The following GRM7 variants were observed in gnomAD, a reference collection of about 807,000 sequenced individuals.
GRM7 encodes the protein glutamate metabotropic receptor 7.
Under a neutral mutation model 84.5 loss-of-function variants are expected in GRM7, and 35 were observed. That is an observed-to-expected ratio of 0.41 (90% CI 0.32 to 0.55). GRM7 has a LOEUF of 0.55. GRM7 is among the 20% of genes least tolerant of loss of function. GRM7 has a pLI of 0.19. For missense variants in GRM7, 1,003 were observed against 1,194.6 expected, an observed-to-expected ratio of 0.84 and a Z score of 2.36; for synonymous variants, 487 against 455.1, an observed-to-expected ratio of 1.07 and a Z score of -0.89.
At chr3:7,398,868 G>A (rs73810607) in intron 4 of GRM7, among the ~76,000 whole-genome samples, 4,198 of 152,102 alleles carry the variant, frequency 0.028, 196 homozygotes, top group African/African-American at 0.095. Context: ...GAGATTCTAT[G>A]ATTCTGTACC....
intron 1 of GRM7, among the ~76,000 whole-genome samples, chr3:6,881,579 A>G (rs1229764048): frequency 6.9e-6 from 1 of 145,794 alleles, no homozygotes; most frequent in African/African-American, 2.5e-5. Flanking sequence ...TCTACAAGGA[A>G]CTCAAACAAA....
chr3:7,728,196 G>T (rs773669468), intron 9 of GRM7, among the ~76,000 whole-genome samples: 6 of 152,154 alleles, frequency 3.9e-5, no homozygotes, highest in Non-Finnish European at 7.4e-5. Context: ...AGAGGACATT[G>T]TTCCCAGACC....
intron 4 of GRM7, among the ~76,000 whole-genome samples, chr3:7,316,549 G>C (rs895765446): frequency 3.9e-5 from 6 of 152,086 alleles, no homozygotes; most frequent in African/African-American, 7.2e-5. Context: ...AAAGTCAATA[G>C]GGATTTAGAA....
intron 2 of GRM7, among the ~76,000 whole-genome samples, chr3:7,219,429 T>G (rs551869165): frequency 1.4e-4 from 22 of 152,184 alleles, no homozygotes; most frequent in Non-Finnish European, 2.1e-4. Flanking sequence ...ATTACTACAG[T>G]GAATAGCCTT....
chr3:7,092,088 A>C (rs1383855511), intron 1 of GRM7, among the ~76,000 whole-genome samples: 1 of 152,086 alleles, frequency 6.6e-6, no homozygotes, highest in Non-Finnish European at 1.5e-5. Context: ...AGCTTTCTGC[A>C]ACCTCCACTT....
intron 9 of GRM7, among the ~76,000 whole-genome samples, chr3:7,736,197 GTTTT>G (rs2106530588): frequency 6.6e-6 from 1 of 152,092 alleles, no homozygotes; most frequent in African/African-American, 2.4e-5. Context: ...TTGAATCTAT[GTTTT>G]TAAAAATTAG....
chr3:7,403,735 G>T (rs1695555367), intron 4 of GRM7, among the ~76,000 whole-genome samples: 1 of 148,518 alleles, frequency 6.7e-6, no homozygotes, highest in South Asian at 2.1e-4. Flanking sequence ...GAGAATATCT[G>T]TGTATATATG....
intron 2 of GRM7, among the ~76,000 whole-genome samples, chr3:7,218,957 A>G (rs1045865226): frequency 6.6e-6 from 1 of 152,052 alleles, no homozygotes; most frequent in African/African-American, 2.4e-5. Context: ...TTTATTGATA[A>G]TATATTGGTT....
intron 2 of GRM7, among the ~76,000 whole-genome samples, chr3:7,211,487 C>A (rs1459727377): frequency 1.3e-5 from 2 of 152,042 alleles, no homozygotes; most frequent in Non-Finnish European, 2.9e-5. Context: ...TGAAACCCTA[C>A]CTGGTAAAGC....
At position 7,567,747 on chromosome 3, in the gene GRM7, C is replaced by CAA. The variant is rs1176146756; in HGVS notation, c.1516-10638_1516-10637dup. Among the ~76,000 whole-genome samples the CAA allele has an allele frequency of 7.0e-4, 32 of 45,824 alleles. 7 individuals carry two copies. The highest frequency in any genetic ancestry group is 1.2e-3 in the South Asian group (1 of 858). The allele number at this position is 45,824 out of a possible 152,430, so 30.1% of individuals were successfully genotyped here. On this transcript the variant is annotated intron_variant, in intron 7 of 9. Transcript: ENST00000357716. ...TGGGTGACAGAGTGAGACTCCATCT[C>CAA]AAAAAAAAAAAAAAAAAAAAAAAAA...
intron 5 of GRM7, among the ~76,000 whole-genome samples, chr3:7,435,851 CTT>C (rs34860272): frequency 0.25 from 22,434 of 89,326 alleles, 1,166 homozygotes; most frequent in Non-Finnish European, 0.31. Context: ...CCACACCCAT[CTT>C]TTTTTTTTTT....
At chr3:7,714,432 G>A (rs1203493363) in intron 9 of GRM7, among the ~76,000 whole-genome samples, 3 of 152,124 alleles carry the variant, frequency 2.0e-5, no homozygotes, top group Non-Finnish European at 2.9e-5. Flanking sequence ...TGACAAAGAC[G>A]TGAATTTCTA....
intron 1 of GRM7, among the ~76,000 whole-genome samples, chr3:7,092,457 T>G (rs991516618): frequency 6.6e-6 from 1 of 152,216 alleles, no homozygotes; most frequent in African/African-American, 2.4e-5. Context: ...AGTTTGCTTT[T>G]CTACAAAATG....
At chr3:7,201,158 A>T (rs1052919427) in intron 2 of GRM7, among the ~76,000 whole-genome samples, 2 of 151,690 alleles carry the variant, frequency 1.3e-5, no homozygotes, top group African/African-American at 4.8e-5. Flanking sequence ...TTTAGTAGAG[A>T]CAGCGTTTCA....
At chr3:7,433,829 C>G (rs575064780) in intron 5 of GRM7, among the ~76,000 whole-genome samples, 1 of 152,246 alleles carries the variant, frequency 6.6e-6, no homozygotes, top group South Asian at 2.1e-4. Flanking sequence ...TAAAAATGCT[C>G]TCATCCTGTC....
chr3:7,106,653 C>T lies in GRM7; in HGVS notation c.520-39799C>T, dbSNP rs1574912758. Among the ~76,000 whole-genome samples the T allele has an allele frequency of 1.3e-5, 2 of 151,994 alleles. 1 individual carries two copies. The highest frequency in any genetic ancestry group is 4.1e-4 in the South Asian group (2 of 4,822). On this transcript the variant is annotated intron_variant, in intron 1 of 9. Coordinates refer to ENST00000357716, the MANE Select transcript of GRM7 (RefSeq NM_000844.4). ...AATTGGACTAATTTGGCACTAGGTC[C>T]ATTTTAGTCCTGGCATTAGGACCAC...
intron 2 of GRM7, among the ~76,000 whole-genome samples, chr3:7,199,452 A>G (rs765036949): frequency 1.8e-4 from 28 of 152,248 alleles, no homozygotes; most frequent in Non-Finnish European, 3.2e-4. Context: ...AAATTCCGTA[A>G]GGTTGTTTAT....
intron 7 of GRM7, among the ~76,000 whole-genome samples, chr3:7,487,549 A>G (rs1699366409): frequency 6.6e-6 from 1 of 152,164 alleles, no homozygotes; most frequent in Non-Finnish European, 1.5e-5. Flanking sequence ...ACTCACATCC[A>G]AGACACTTCA....
At chr3:7,642,606 G>C (rs1698417149) in intron 8 of GRM7, among the ~76,000 whole-genome samples, 1 of 152,132 alleles carries the variant, frequency 6.6e-6, no homozygotes, top group Non-Finnish European at 1.5e-5. Flanking sequence ...AACCACGTGA[G>C]TTCCATGCAC....
Sources: allele counts gnomAD v4.1 joint callset (sites outside exome capture counted in the v4.1 genomes callset), GRCh38; gene constraint gnomAD v4.1.1; transcripts MANE v1.5; gene names NCBI Gene and HGNC (gene_info 2026-07-23, HGNC 2026-07-21).